DIDO1: variants seen among roughly 807,000 people sequenced by gnomAD.
DIDO1 encodes the protein death inducer-obliterator 1.
In DIDO1, 16 loss-of-function variants were observed where a neutral mutation model predicts 99.4. The observed-to-expected ratio is 0.16, with a 90% CI of 0.11 to 0.24. The LOEUF (loss-of-function observed/expected upper bound fraction) is 0.24. Among genes scored for constraint, DIDO1 ranks in the 10% least tolerant of loss-of-function variants. The pLI, the probability that DIDO1 is intolerant of heterozygous loss-of-function variation, is 1.00. For synonymous variants in DIDO1, 1,366 were observed against 1,239.1 expected, an observed-to-expected ratio of 1.10 and a Z score of -2.15; for missense variants, 2,996 against 3,014.0, an observed-to-expected ratio of 0.99 and a Z score of 0.14.
upstream of DIDO1, among the ~76,000 whole-genome samples, chr20:62,927,595 A>G (rs1403608219): frequency 1.3e-5 from 2 of 152,216 alleles, no homozygotes; most frequent in Non-Finnish European, 2.9e-5. Context: ...GGAAGCATGG[A>G]CCATCTAGCC....
At chr20:62,893,608 C>T (rs576714944) in intron 12 of DIDO1, 58 bp downstream of exon 12, 524 of 1,495,614 alleles carry the variant, frequency 3.5e-4, no homozygotes, top group Non-Finnish European at 4.2e-4. Context: ...AGTTATCTTT[C>T]CTTTCGTTAA....
rs1160296198 is a variant in DIDO1 at position 62,879,759 on chromosome 20, G to T, written c.6197C>A (p.Ala2066Glu). The change falls in exon 16 of 16, where the codon GCA (alanine) becomes GAA (glutamate). Residue 2066 changes from alanine to glutamate, a missense_variant. By Grantham distance (107) the Ala-to-Glu change is moderately radical. Transcript: ENST00000395343. This position sits in a 1 kb window ranked among gnomAD's most constrained non-coding sequence, Gnocchi z 6.3. ...TTTCCCCTCTCGGAAGTCGGCCGAT[G>T]CCCACTGTCCGTCGGCCTCGGGGCC... is the stretch of plus-strand genomic sequence containing the variant. ...GQGPEADGQW[A>E]SADFREGKGH... The T allele has an allele frequency of 6.2e-7, 1 of 1,611,498 alleles. No individual in the cohort carries two copies. Among genetic ancestry groups the T allele is most frequent in the African/African-American group, 1.3e-5 (1 of 74,886 alleles).
intron 6 of DIDO1, chr20:62,905,162 G>A (rs550820332): frequency 8.2e-5 from 86 of 1,047,524 alleles, no homozygotes; most frequent in Admixed American, 1.5e-4. Context: ...AAACATTCAA[G>A]AGACGAGGGC....
chr20:62,926,902 G>GT (rs1263355805), upstream of DIDO1, among the ~76,000 whole-genome samples: 1 of 152,222 alleles, frequency 6.6e-6, no homozygotes, highest in East Asian at 1.9e-4. Context: ...TGTAAGAGGT[G>GT]TAGGGGGGCG....
intron 15 of DIDO1, among the ~76,000 whole-genome samples, chr20:62,884,426 G>A (rs917434880): frequency 2.6e-5 from 4 of 152,172 alleles, no homozygotes; most frequent in Admixed American, 6.5e-5. Flanking sequence ...AGATTAAACC[G>A]TAACAACTCA....
chr20:62,926,152 G>A (rs2065249172), intron 1 of DIDO1, among the ~76,000 whole-genome samples: 1 of 151,886 alleles, frequency 6.6e-6, no homozygotes, highest in Non-Finnish European at 1.5e-5. Flanking sequence ...TTCCAGCCGC[G>A]ACCACCGAGT....
At chr20:62,901,000 CCCCTA>C (rs1367589344) in intron 6 of DIDO1, among the ~76,000 whole-genome samples, 5 of 152,220 alleles carry the variant, frequency 3.3e-5, no homozygotes, top group Non-Finnish European at 7.3e-5. Flanking sequence ...TCCAAGATTG[CCCCTA>C]GTGGGAACAA....
At chr20:62,907,060 C>G (rs1568863800) in intron 5 of DIDO1, 87 bp downstream of exon 5, 2 of 1,424,122 alleles carry the variant, frequency 1.4e-6, no homozygotes, top group Admixed American at 1.7e-5. Flanking sequence ...CTGCCACCCC[C>G]ACACGGTCTA....
At position 62,881,764 on chromosome 20, in the gene DIDO1, C is replaced by G; in HGVS notation, c.4192G>C (p.Asp1398His). 6.2e-7 allele frequency: 1 copy of G among 1,613,290 alleles called. No homozygotes were observed. Among genetic ancestry groups the G allele is most frequent in the Non-Finnish European group, 8.5e-7 (1 of 1,180,022 alleles). ...EEEYDPERAF[D>H]TQLVERGRRH... is the part of the protein sequence containing the mutation. Reference sequence around the variant, plus strand: ...CGCCCTCGCTCCACAAGCTGAGTGTCGAAGGCCCTCTCCGGGTCGTACTCC... The same window carrying G: ...CGCCCTCGCTCCACAAGCTGAGTGTGGAAGGCCCTCTCCGGGTCGTACTCC... Residue 1398 changes from aspartate to histidine, a missense_variant, in exon 16 of 16, where the codon GAC becomes CAC. By Grantham distance (81) the Asp-to-His change is moderately conservative. Around this residue, in one of 5 missense-constraint regions of DIDO1, gnomAD observed 1,562 missense variants for 1,412.6 expected, o/e 1.11. Coordinates refer to ENST00000395343, the MANE Select transcript of DIDO1 (RefSeq NM_001193369.2). The surrounding 1 kb of genome is among the most constrained non-coding windows in gnomAD (Gnocchi z 8.3).
upstream of DIDO1, among the ~76,000 whole-genome samples, chr20:62,926,951 C>G (rs577697201): frequency 3.3e-5 from 5 of 152,206 alleles, no homozygotes; most frequent in African/African-American, 1.2e-4. Flanking sequence ...CAGGTTTTCT[C>G]TTCCAGATTG....
chr20:62,901,439 G>A (rs1170822420), intron 6 of DIDO1, among the ~76,000 whole-genome samples: 3 of 152,228 alleles, frequency 2.0e-5, no homozygotes, highest in Non-Finnish European at 4.4e-5. Flanking sequence ...TGGCTGCCAA[G>A]CCCATTTGGG....
At chr20:62,900,681 T>A (rs2064650470) in intron 6 of DIDO1, among the ~76,000 whole-genome samples, 1 of 152,172 alleles carries the variant, frequency 6.6e-6, no homozygotes, top group Non-Finnish European at 1.5e-5. Context: ...ATCACTAAAA[T>A]AAACACCACA....
At position 62,879,847 on chromosome 20, in the gene DIDO1, G is replaced by C. The variant is rs754714484; in HGVS notation, c.6109C>G (p.Arg2037Gly). ...CCGGCCTCCTCCCAGCGGTCCTTCCGGTGCTGCGGGGGGTGGCTGGGAAGC... is the reference window on the plus strand; with the variant it reads ...CCGGCCTCCTCCCAGCGGTCCTTCCCGTGCTGCGGGGGGTGGCTGGGAAGC... ...LELPSHPPQH[R>G]KDRWEEAGPP... The change falls in exon 16 of 16, where the codon CGG (arginine) becomes GGG (glycine). Residue 2037 changes from arginine (R) to glycine (G), a missense_variant. Around this residue, in one of 5 missense-constraint regions of DIDO1, gnomAD observed 1,562 missense variants for 1,412.6 expected, o/e 1.11. Coordinates refer to ENST00000395343, the MANE Select transcript of DIDO1 (RefSeq NM_001193369.2). This position sits in a 1 kb window ranked among gnomAD's most constrained non-coding sequence, Gnocchi z 6.3. 38 of 1,601,090 alleles carry C rather than the reference G, an allele frequency of 2.4e-5. No individual in the cohort carries two copies. The highest frequency in any genetic ancestry group is 3.1e-5 in the Non-Finnish European group (37 of 1,174,640).
At position 62,907,207 on chromosome 20, in the gene DIDO1, C is replaced by A; in HGVS notation, c.1314G>T (p.Lys438Asn). The A allele has an allele frequency of 6.2e-7, 1 of 1,614,220 alleles. No homozygotes were observed. The highest frequency in any genetic ancestry group is 8.5e-7 in the Non-Finnish European group (1 of 1,180,048). Reference sequence around the variant, plus strand: ...GCTTCATCTTCATCTTTTCTTTAGGCTTTGGCTTCTGTTCTTTACCTGAGC... The same window carrying A: ...GCTTCATCTTCATCTTTTCTTTAGGATTTGGCTTCTGTTCTTTACCTGAGC... ...FLSSGKEQKP[K>N]PKEKMKMKPE... The change falls in exon 5 of 16, where the codon AAG becomes AAT. Residue 438 changes from lysine (K) to asparagine (N), a missense_variant. Coordinates refer to ENST00000395343, the MANE Select transcript of DIDO1 (RefSeq NM_001193369.2).
At position 62,881,130 on chromosome 20, in the gene DIDO1, G is replaced by A. The variant is rs774634607; in HGVS notation, c.4826C>T (p.Pro1609Leu). 8.1e-6 allele frequency: 13 copies of A among 1,608,756 alleles called. No individual in the cohort carries two copies. The highest frequency in any genetic ancestry group is 2.2e-5 in the East Asian group (1 of 44,802). The stretch of plus-strand genomic sequence containing the variant: ...GGAAGAGGCTGGCTCTTTTTCCTCC[G>A]GGACTGGCATGGGCGCCTGGCCCAC... The part of the protein sequence containing the change: ...GLVGQAPMPV[P>L]EEKEPASSPW... Residue 1609 changes from proline (P) to leucine (L), a missense_variant, in exon 16 of 16, where the codon CCG becomes CTG. Coordinates refer to ENST00000395343, the MANE Select transcript of DIDO1 (RefSeq NM_001193369.2). The surrounding 1 kb of genome is among the most constrained non-coding windows in gnomAD (Gnocchi z 8.3).
At position 62,880,633 on chromosome 20, in the gene DIDO1, T is replaced by C. The variant is rs1022850257; in HGVS notation, c.5323A>G (p.Arg1775Gly). ...GLHGPNFPGPRGPAPPFPEEN... is the reference protein window; with the variant it reads ...GLHGPNFPGPGGPAPPFPEEN... ...TCTGGAAACGGAGGGGCTGGCCCCC[T>C]TGGTCCCGGGAAATTGGGGCCGTGA... Residue 1775 changes from arginine to glycine, a missense_variant, in exon 16 of 16, where the codon AGG becomes GGG. Around this residue, in one of 5 missense-constraint regions of DIDO1, gnomAD observed 1,562 missense variants for 1,412.6 expected, o/e 1.11. Coordinates refer to ENST00000395343, the MANE Select transcript of DIDO1 (RefSeq NM_001193369.2). 1 of 1,612,852 alleles carries C rather than the reference T, an allele frequency of 6.2e-7. No individual in the cohort carries two copies. The highest frequency in any genetic ancestry group is 8.5e-7 in the Non-Finnish European group (1 of 1,180,002).
rs143370037 is a variant in DIDO1, at chr20:62,880,836, T to G, written c.5120A>C (p.His1707Pro). The G allele has an allele frequency of 6.2e-7, 1 of 1,612,734 alleles. No individual in the cohort carries two copies. Reference protein sequence around the residue: ...SAQYEDPRNLHSAGRSSSPAG... With the variant: ...SAQYEDPRNLPSAGRSSSPAG... Reference sequence around the variant, plus strand: ...AGGGCTGCTGCTCCTTCCAGCAGAATGAAGATTTCTTGGGTCCTCATACTG... The same window carrying G: ...AGGGCTGCTGCTCCTTCCAGCAGAAGGAAGATTTCTTGGGTCCTCATACTG... Residue 1707 changes from histidine to proline, a missense_variant, in exon 16 of 16, where the codon CAT (histidine) becomes CCT (proline). By Grantham distance (77) the His-to-Pro change is moderately conservative. Around this residue, in one of 5 missense-constraint regions of DIDO1, gnomAD observed 1,562 missense variants for 1,412.6 expected, o/e 1.11. Coordinates refer to ENST00000395343, the MANE Select transcript of DIDO1 (RefSeq NM_001193369.2).
In DIDO1 at chr20:62,880,591, T is replaced by G. The variant is rs370530737; in HGVS notation, c.5365A>C (p.Asn1789His). 2.5e-6 allele frequency: 4 copies of G among 1,612,818 alleles called. No homozygotes were observed. The highest frequency in any genetic ancestry group is 2.7e-5 in the African/African-American group (2 of 74,956). The change falls in exon 16 of 16, where the codon AAC becomes CAC. Residue 1789 changes from asparagine to histidine, a missense_variant. This residue lies in a region of DIDO1 where 1,562 missense variants were observed against 1,412.6 expected (regional missense o/e 1.11). Coordinates refer to ENST00000395343, the MANE Select transcript of DIDO1 (RefSeq NM_001193369.2). Reference protein sequence around the residue: ...PPFPEENIASNDGPRGPPPAR... With the variant: ...PPFPEENIASHDGPRGPPPAR... ...GGCGGAGGCCCTCGTGGCCCATCGTTAGAAGCGATATTCTCTTCTGGAAAC... is the reference window on the plus strand; with the variant it reads ...GGCGGAGGCCCTCGTGGCCCATCGTGAGAAGCGATATTCTCTTCTGGAAAC...
chr20:62,934,749 G>A (rs762005306), intron 1 of DIDO1, among the ~76,000 whole-genome samples: 13 of 152,078 alleles, frequency 8.5e-5, no homozygotes, highest in Admixed American at 2.6e-4. Flanking sequence ...ACCATCAAAT[G>A]GGGAGTTTTG....
Sources: allele counts gnomAD v4.1 joint callset (sites outside exome capture counted in the v4.1 genomes callset), GRCh38; gene constraint gnomAD v4.1.1; regional missense constraint gnomAD v4.1.1; non-coding constraint Gnocchi (gnomAD v3.1); transcripts MANE v1.5; gene names NCBI Gene and HGNC (gene_info 2026-07-23, HGNC 2026-07-21).